Variants in CASP6 observed in about 807,000 individuals in gnomAD.
The protein encoded by CASP6 is caspase-6.
CASP6 carries 20 observed loss-of-function variants against 31.8 expected under a neutral mutation model. The ratio of observed to expected loss-of-function variants is 0.63; its 90% CI spans 0.44 to 0.91. The LOEUF (loss-of-function observed/expected upper bound fraction) is 0.91. Among genes scored for constraint, CASP6 ranks in the 40% least tolerant of loss-of-function variants. CASP6 has a pLI of 0.00. For synonymous variants in CASP6, 130 were observed against 127.8 expected (o/e 1.02, Z -0.12); for missense variants, 328 against 361.1 (o/e 0.91, Z 0.74).
chr4:109,705,735 T>C (rs6533448), upstream of CASP6, among the ~76,000 whole-genome samples: 81,006 of 150,684 alleles, frequency 0.54, 21,862 homozygotes, highest in South Asian at 0.61. Context: ...CCCAGCACTT[T>C]GGGAGGCCAA....
At chr4:109,684,958 G>A (rs946905864), downstream of CASP6, 18 of 385,938 alleles carry the variant, frequency 4.7e-5, no homozygotes, top group African/African-American at 3.7e-4. Flanking sequence ...CATCAGCTTT[G>A]CCTCATGGTT....
chr4:109,664,470 G>T, the CASP6 span: 2 of 641,444 alleles, frequency 3.1e-6, no homozygotes, highest in African/African-American at 3.7e-5. Context: ...TGTTTCCCAG[G>T]CTGGAGTACA....
intron 1 of CASP6, among the ~76,000 whole-genome samples, chr4:109,701,346 T>C (rs1730415879): frequency 6.6e-6 from 1 of 152,218 alleles, no homozygotes; most frequent in Admixed American, 6.5e-5. Context: ...GGAGCTACCC[T>C]GTATAACAGA....
At chr4:109,675,391 G>A in the CASP6 span, among the ~76,000 whole-genome samples, 3 of 152,194 alleles carry the variant, frequency 2.0e-5, no homozygotes, top group African/African-American at 7.2e-5. Flanking sequence ...CACAGATTTT[G>A]TCAACACTGC....
At chr4:109,684,703 T>C (rs1329278680), downstream of CASP6, 3 of 825,346 alleles carry the variant, frequency 3.6e-6, no homozygotes, top group African/African-American at 3.4e-5. Context: ...GAATGTCTTA[T>C]CTAAGCAATG....
In CASP6 at chr4:109,703,406, C is replaced by T; in HGVS notation, c.-11G>A. On this transcript the variant is annotated 5_prime_UTR_variant, in exon 1 of 7. Coordinates refer to ENST00000265164, the MANE Select transcript of CASP6 (RefSeq NM_001226.4). ...CGAGGCCGAGCTCATTGCAGCCAAACGCGCAGCCAGACACCTTGCCCTCCT... is the reference window on the plus strand; with the variant it reads ...CGAGGCCGAGCTCATTGCAGCCAAATGCGCAGCCAGACACCTTGCCCTCCT... 2 of 1,611,562 alleles carry T rather than the reference C, an allele frequency of 1.2e-6. No individual in the cohort carries two copies. The highest frequency in any genetic ancestry group is 8.5e-7 in the Non-Finnish European group (1 of 1,179,122).
the CASP6 span, chr4:109,673,861 G>T: frequency 1.3e-6 from 1 of 766,636 alleles, no homozygotes; most frequent in Non-Finnish European, 2.4e-6. Flanking sequence ...AGACACAGGT[G>T]TTTCTCTTCC....
the CASP6 span, chr4:109,682,894 C>T: frequency 1.7e-6 from 1 of 581,952 alleles, no homozygotes; most frequent in Non-Finnish European, 3.0e-6. Flanking sequence ...TTTTATCTTC[C>T]TCATTTTTCA....
At chr4:109,708,956 G>A in the CASP6 span, among the ~76,000 whole-genome samples, 3 of 152,102 alleles carry the variant, frequency 2.0e-5, no homozygotes, top group Non-Finnish European at 2.9e-5. Context: ...TTCTACTCAC[G>A]GCTTCCCCAT....
chr4:109,680,960 TG>T, the CASP6 span, among the ~76,000 whole-genome samples: 2 of 152,164 alleles, frequency 1.3e-5, no homozygotes, highest in African/African-American at 4.8e-5. Context: ...TATAAACCCA[TG>T]GAGGAGGTGG....
At position 109,689,506 on chromosome 4, in the gene CASP6, A is replaced by G. The variant is rs1378304696; in HGVS notation, c.706T>C (p.Leu236=). ...SWYIQDLCEM[L]GKYGSSLEFT... ...TCTAAGGAGGAGCCATATTTTCCCAACATCTCACACAAATCTTGAATGTAC... is the reference window on the plus strand; with the variant it reads ...TCTAAGGAGGAGCCATATTTTCCCAGCATCTCACACAAATCTTGAATGTAC... Residue 236 remains leucine (L), a synonymous_variant, in exon 7 of 7, where the codon TTG becomes CTG. Transcript: ENST00000265164. 1.9e-6 allele frequency: 3 copies of G among 1,614,166 alleles called. No individual in the cohort carries two copies. The highest frequency in any genetic ancestry group is 1.7e-6 in the Non-Finnish European group (2 of 1,180,028).
chr4:109,686,040 T>C (rs968094366), downstream of CASP6, among the ~76,000 whole-genome samples: 6 of 152,248 alleles, frequency 3.9e-5, no homozygotes, highest in African/African-American at 1.2e-4. Context: ...GTTTAGTAGC[T>C]GGTAATCAAA....
the CASP6 span, among the ~76,000 whole-genome samples, chr4:109,671,466 C>A: frequency 6.6e-6 from 1 of 152,118 alleles, no homozygotes; most frequent in Non-Finnish European, 1.5e-5. Flanking sequence ...TGTTGGCATA[C>A]CCCCAAGCTG....
chr4:109,705,496 A>G (rs1402027492), upstream of CASP6, among the ~76,000 whole-genome samples: 1 of 152,136 alleles, frequency 6.6e-6, no homozygotes, highest in Non-Finnish European at 1.5e-5. Context: ...TACAAAATAC[A>G]TTTCATAAGG....
At chr4:109,707,985 T>G (rs1287731967), upstream of CASP6, among the ~76,000 whole-genome samples, 2 of 152,186 alleles carry the variant, frequency 1.3e-5, no homozygotes, top group Non-Finnish European at 2.9e-5. Context: ...CCTTGTAATT[T>G]TAAAAGTAAG....
At chr4:109,705,032 A>G (rs1461452991), upstream of CASP6, among the ~76,000 whole-genome samples, 1 of 152,176 alleles carries the variant, frequency 6.6e-6, no homozygotes, top group Non-Finnish European at 1.5e-5. Context: ...ATGTATATGA[A>G]ACGGCCTTCT....
intron 5 of CASP6, 37 bp downstream of exon 5, chr4:109,694,488 G>T (rs965754410): frequency 1.3e-6 from 2 of 1,484,306 alleles, no homozygotes; most frequent in Non-Finnish European, 1.8e-6. Context: ...CAGAATGACA[G>T]ACTTTATAAT....
the CASP6 span, among the ~76,000 whole-genome samples, chr4:109,679,689 C>A: frequency 1.3e-5 from 2 of 152,094 alleles, no homozygotes; most frequent in African/African-American, 4.8e-5. Context: ...TCTGTGGTAT[C>A]GTGTTATAGA....
chr4:109,684,704 C>G, downstream of CASP6: 1 of 815,940 alleles, frequency 1.2e-6, no homozygotes, highest in South Asian at 1.7e-5. Context: ...AATGTCTTAT[C>G]TAAGCAATGA....
Sources: allele counts gnomAD v4.1 joint callset (sites outside exome capture counted in the v4.1 genomes callset), GRCh38; gene constraint gnomAD v4.1.1; transcripts MANE v1.5; gene names NCBI Gene and HGNC (gene_info 2026-07-23, HGNC 2026-07-21).